The following FMNL2 variants were observed in gnomAD, a reference collection of about 807,000 sequenced individuals.
FMNL2 encodes formin-like protein 2.
Under a neutral mutation model 130.2 loss-of-function variants are expected in FMNL2, and 51 were observed. That is an observed-to-expected ratio of 0.39 (90% CI 0.31 to 0.49). The LOEUF (loss-of-function observed/expected upper bound fraction) is 0.49, where lower values mean the gene tolerates loss of function less well. Ranked by LOEUF, FMNL2 falls within the 20% of genes least tolerant of loss-of-function variation. The pLI is 0.85. For missense variants in FMNL2, 977 were observed against 1,316.2 expected (o/e 0.74, Z 3.99); for synonymous variants, 465 against 467.1 (o/e 1.00, Z 0.06).
At chr2:152,551,218 A>T (rs1694920681) in intron 4 of FMNL2, among the ~76,000 whole-genome samples, 2 of 152,070 alleles carry the variant, frequency 1.3e-5, no homozygotes, top group South Asian at 4.1e-4. Context: ...CAAAAGGAAG[A>T]TGATCATTTC....
intron 5 of FMNL2, among the ~76,000 whole-genome samples, chr2:152,559,866 A>G: frequency 1.3e-5 from 2 of 152,234 alleles, no homozygotes; most frequent in East Asian, 3.8e-4. Context: ...AGCCAAAGGC[A>G]TGACAGAATT....
chr2:152,457,326 C>T (rs971917849), intron 1 of FMNL2, among the ~76,000 whole-genome samples: 2 of 152,194 alleles, frequency 1.3e-5, no homozygotes, highest in South Asian at 2.1e-4. Context: ...GAACAAGTGG[C>T]TTTTAAACAT....
intron 1 of FMNL2, among the ~76,000 whole-genome samples, chr2:152,431,123 A>G (rs927765057): frequency 2.6e-5 from 4 of 152,104 alleles, no homozygotes; most frequent in African/African-American, 4.8e-5. Context: ...GGTTCTTTTT[A>G]AGGCCAATTG....
rs896859933 is a variant in FMNL2 at position 152,586,004 on chromosome 2, C to G, written c.876+4955C>G. 4.6e-5 allele frequency among the ~76,000 whole-genome samples: 7 copies of G among 151,946 alleles called. No homozygotes were observed. The East Asian group carries it at 1.2e-3, about 25-fold the overall frequency. ...TGTAGACTCTACAGTGGAACAGCCA[C>G]TATGACATGAGTAATAAAATCCTCT... On this transcript the variant is annotated intron_variant, in intron 9 of 25. Coordinates refer to ENST00000288670, the MANE Select transcript of FMNL2 (RefSeq NM_052905.4).
At chr2:152,335,845 C>A (rs539705469) in intron 1 of FMNL2, 125 bp downstream of exon 1, 2 of 614,984 alleles carry the variant, frequency 3.3e-6, no homozygotes, top group South Asian at 4.8e-5. Flanking sequence ...GGGAGGCTCC[C>A]GCTTTCCCCT....
At chr2:152,349,358 A>G (rs1220796700) in intron 1 of FMNL2, among the ~76,000 whole-genome samples, 1 of 152,098 alleles carries the variant, frequency 6.6e-6, no homozygotes, top group African/African-American at 2.4e-5. Flanking sequence ...CCAGGGAGGT[A>G]TTGTCTTCCT....
intron 21 of FMNL2, among the ~76,000 whole-genome samples, chr2:152,635,389 C>T (rs1682507052): frequency 6.6e-6 from 1 of 152,208 alleles, no homozygotes; most frequent in Non-Finnish European, 1.5e-5. Context: ...GAGTTGTCTT[C>T]ACTGCTTTAC....
chr2:152,472,068 A>G (rs1369215194), intron 1 of FMNL2, among the ~76,000 whole-genome samples: 2 of 152,240 alleles, frequency 1.3e-5, no homozygotes, highest in Non-Finnish European at 2.9e-5. Flanking sequence ...AAATGATGGC[A>G]TAACAGAAGT....
chr2:152,596,128 G>A (rs1317819105), intron 9 of FMNL2, among the ~76,000 whole-genome samples: 2 of 96,478 alleles, frequency 2.1e-5, no homozygotes, highest in African/African-American at 6.4e-5. Flanking sequence ...ACGCCTGGGT[G>A]ATTTTTTTTT....
At chr2:152,351,396 C>T (rs957130004) in intron 1 of FMNL2, among the ~76,000 whole-genome samples, 27 of 152,142 alleles carry the variant, frequency 1.8e-4, no homozygotes, top group South Asian at 6.2e-4. Flanking sequence ...GTTCCCCTCC[C>T]GGTGTCCATG....
chr2:152,578,099 T>G (rs1406657528), intron 7 of FMNL2, among the ~76,000 whole-genome samples: 3 of 152,064 alleles, frequency 2.0e-5, no homozygotes, highest in Admixed American at 2.0e-4. Flanking sequence ...TGGCCTTAGT[T>G]TGGAGCACAG....
chr2:152,485,545 CATAG>C lies in FMNL2; in HGVS notation c.118-36382_118-36379del, dbSNP rs150390572. On this transcript the variant is annotated intron_variant, in intron 1 of 25. Transcript: ENST00000288670. ...GGACAGAGTAAGACTCTCTGCCTGT[CATAG>C]ATAGATAGATAGATATAGTTTTCAA... is the stretch of plus-strand genomic sequence containing the variant. Among the ~76,000 whole-genome samples, 663 of 152,168 alleles carry C rather than the reference CATAG, an allele frequency of 4.4e-3. 3 individuals carry two copies. The highest frequency in any genetic ancestry group is 0.015 in the African/African-American group (607 of 41,510).
chr2:152,387,872 T>C (rs922086980), intron 1 of FMNL2, among the ~76,000 whole-genome samples: 2 of 151,946 alleles, frequency 1.3e-5, no homozygotes, highest in Non-Finnish European at 2.9e-5. Context: ...CAGGCTGGTC[T>C]TGATCTCCTG....
chr2:152,362,375 T>C (rs547203521), intron 1 of FMNL2, among the ~76,000 whole-genome samples: 2 of 152,326 alleles, frequency 1.3e-5, no homozygotes, highest in East Asian at 3.9e-4. Context: ...TTGCCTTTAA[T>C]TGTTGCTGAA....
intron 1 of FMNL2, among the ~76,000 whole-genome samples, chr2:152,336,791 T>C (rs1681490844): frequency 6.6e-6 from 1 of 152,164 alleles, no homozygotes; most frequent in Non-Finnish European, 1.5e-5. Flanking sequence ...ACTTCTCTTT[T>C]CCTAGTTGGT....
At chr2:152,464,328 C>A (rs1689411588) in intron 1 of FMNL2, among the ~76,000 whole-genome samples, 1 of 152,210 alleles carries the variant, frequency 6.6e-6, no homozygotes, top group African/African-American at 2.4e-5. Flanking sequence ...GTTTGTTATT[C>A]TTAACTCCTT....
intron 1 of FMNL2, among the ~76,000 whole-genome samples, chr2:152,445,907 A>G (rs1688308720): frequency 6.6e-6 from 1 of 152,136 alleles, no homozygotes; most frequent in Non-Finnish European, 1.5e-5. Context: ...TCCCTAAACC[A>G]CACTGGCTTC....
At chr2:152,437,047 A>G (rs1687808185) in intron 1 of FMNL2, among the ~76,000 whole-genome samples, 1 of 152,192 alleles carries the variant, frequency 6.6e-6, no homozygotes, top group Admixed American at 6.5e-5. Context: ...GTTTGCAGAT[A>G]GCTGCCTTAT....
At chr2:152,569,938 G>A (rs545159774) in intron 6 of FMNL2, among the ~76,000 whole-genome samples, 2 of 150,968 alleles carry the variant, frequency 1.3e-5, no homozygotes, top group Admixed American at 6.6e-5. Flanking sequence ...TTGAACCCAC[G>A]AGACAGAGGT....
Sources: allele counts gnomAD v4.1 joint callset (sites outside exome capture counted in the v4.1 genomes callset), GRCh38; gene constraint gnomAD v4.1.1; transcripts MANE v1.5; gene names NCBI Gene and HGNC (gene_info 2026-07-23, HGNC 2026-07-21).